The following ACOT1 variants were observed in gnomAD, a reference collection of about 807,000 sequenced individuals.
The protein encoded by ACOT1 is acyl-CoA thioesterase 1, also known as acyl-coenzyme A thioesterase 1.
In ACOT1, 8 loss-of-function variants were observed where a neutral mutation model predicts 15.7. The observed-to-expected ratio is 0.51, with a 90% CI of 0.30 to 0.92. The LOEUF is 0.92. ACOT1 is among the 40% of genes least tolerant of loss of function. The probability of loss-of-function intolerance (pLI) is 0.06; values close to 1 mark genes in which losing one functional copy is unlikely to be tolerated. For missense variants in ACOT1, 151 were observed against 539.4 expected, an observed-to-expected ratio of 0.28 and a Z score of 7.13; for synonymous variants, 67 against 241.2, an observed-to-expected ratio of 0.28 and a Z score of 6.69.
chr14:73,509,810 C>A, the ACOT1 span, among the ~76,000 whole-genome samples: 220 of 63,178 alleles, frequency 3.5e-3, 20 homozygotes, highest in Non-Finnish European at 5.2e-3. Context: ...CCCCATGAGC[C>A]CATATATATA....
At chr14:73,514,188 G>T in the ACOT1 span, 3 of 1,614,200 alleles carry the variant, frequency 1.9e-6, no homozygotes, top group Non-Finnish European at 2.5e-6. Context: ...CCTTGGCGGG[G>T]GTGGGCAAAG....
At chr14:73,535,494 T>C (rs1406872790), upstream of ACOT1, among the ~76,000 whole-genome samples, 140 of 48,504 alleles carry the variant, frequency 2.9e-3, 24 homozygotes, top group African/African-American at 0.011. Context: ...TTTTTTTTTT[T>C]TTTTTTTTTT....
upstream of ACOT1, chr14:73,537,118 G>A (rs1888887957): frequency 1.1e-5 from 3 of 265,430 alleles, 1 homozygote; most frequent in South Asian, 1.6e-4. Flanking sequence ...CGAGTAGCCG[G>A]GACGAACCAG....
At chr14:73,514,457 G>C in the ACOT1 span, among the ~76,000 whole-genome samples, 86 of 152,186 alleles carry the variant, frequency 5.7e-4, 1 homozygote, top group Middle Eastern at 3.4e-3. Context: ...TGATGGGGGT[G>C]AGAGATTTGT....
At chr14:73,497,273 C>T in the ACOT1 span, among the ~76,000 whole-genome samples, 3 of 152,204 alleles carry the variant, frequency 2.0e-5, no homozygotes, top group South Asian at 2.1e-4. Context: ...CTCCTGACCT[C>T]AGGTGATCCA....
chr14:73,516,189 C>G, the ACOT1 span, among the ~76,000 whole-genome samples: 3 of 49,724 alleles, frequency 6.0e-5, no homozygotes, highest in Non-Finnish European at 6.1e-5. Flanking sequence ...CTGTGAGACT[C>G]CAGGGCAGTT....
At chr14:73,496,713 A>G in the ACOT1 span, 1 of 1,176,088 alleles carries the variant, frequency 8.5e-7, no homozygotes, top group Non-Finnish European at 1.3e-6. Flanking sequence ...AGATTATTCT[A>G]CCCTGCCCTT....
chr14:73,502,876 C>T, the ACOT1 span: 1 of 1,573,472 alleles, frequency 6.4e-7, no homozygotes, highest in South Asian at 1.1e-5. Context: ...AGTGTCTCCT[C>T]ATGTTGACTG....
chr14:73,500,827 T>G, the ACOT1 span: 1 of 1,148,234 alleles, frequency 8.7e-7, no homozygotes, highest in Non-Finnish European at 1.2e-6. Flanking sequence ...CCGGGTTCTG[T>G]AGGCTGTCAA....
the ACOT1 span, chr14:73,523,326 G>C: frequency 9.9e-4 from 603 of 606,992 alleles, 2 homozygotes; most frequent in Middle Eastern, 3.6e-3. Flanking sequence ...AGATGGAAAG[G>C]GGGTGGGGAA....
chr14:73,501,277 C>T, the ACOT1 span, among the ~76,000 whole-genome samples: 4 of 151,962 alleles, frequency 2.6e-5, no homozygotes, highest in African/African-American at 9.7e-5. Flanking sequence ...CACCACCACG[C>T]CTGGCTAATT....
chr14:73,509,862 ATATATATT>A, the ACOT1 span, among the ~76,000 whole-genome samples: 94 of 63,180 alleles, frequency 1.5e-3, 6 homozygotes, highest in Non-Finnish European at 1.8e-3. Context: ...ATATATATAT[ATATATATT>A]TATTTATTTT....
chr14:73,507,646 G>A, the ACOT1 span, among the ~76,000 whole-genome samples: 2 of 152,058 alleles, frequency 1.3e-5, no homozygotes, highest in East Asian at 3.9e-4. Flanking sequence ...ATATTGCCCA[G>A]GCTGGTCTTG....
chr14:73,529,669 C>T, the ACOT1 span, among the ~76,000 whole-genome samples: 10 of 152,148 alleles, frequency 6.6e-5, no homozygotes, highest in African/African-American at 1.9e-4. Flanking sequence ...GCTTATCAGT[C>T]GCTTACCCTC....
At chr14:73,540,480 G>A (rs1889040252) in intron 1 of ACOT1, among the ~76,000 whole-genome samples, 1 of 111,674 alleles carries the variant, frequency 9.0e-6, no homozygotes, top group African/African-American at 3.1e-5. Flanking sequence ...CCAAACCACT[G>A]TTGAGTGAAA....
chr14:73,542,550 G>A (rs1167458262), intron 2 of ACOT1, among the ~76,000 whole-genome samples: 1 of 105,152 alleles, frequency 9.5e-6, no homozygotes, highest in African/African-American at 3.3e-5. Context: ...GACTACAGGC[G>A]CATGCCACTT....
At chr14:73,526,930 C>T in the ACOT1 span, among the ~76,000 whole-genome samples, 2 of 152,146 alleles carry the variant, frequency 1.3e-5, no homozygotes. Context: ...TCCAGACAGC[C>T]CAGTGGGGAG....
chr14:73,491,180 A>G, the ACOT1 span: 1 of 1,598,996 alleles, frequency 6.3e-7, no homozygotes, highest in Non-Finnish European at 8.5e-7. Context: ...AGCGCTGAGG[A>G]CGCAGACGCT....
the ACOT1 span, chr14:73,527,246 TTGA>T: frequency 6.6e-6 from 1 of 152,192 alleles, no homozygotes; most frequent in African/African-American, 2.4e-5. Flanking sequence ...TGTCCAGACA[TTGA>T]TGACCATCCA....
Sources: allele counts gnomAD v4.1 joint callset (sites outside exome capture counted in the v4.1 genomes callset), GRCh38; gene constraint gnomAD v4.1.1; transcripts MANE v1.5; gene names NCBI Gene and HGNC (gene_info 2026-07-23, HGNC 2026-07-21).